Variants in CYFIP2 observed in about 807,000 individuals in gnomAD.
CYFIP2 encodes the protein cytoplasmic FMR1 interacting protein 2, also known as cytoplasmic FMR1-interacting protein 2.
Under a neutral mutation model 158.7 loss-of-function variants are expected in CYFIP2, and 29 were observed. The ratio of observed to expected loss-of-function variants is 0.18; its 90% confidence interval spans 0.14 to 0.25. The LOEUF (loss-of-function observed/expected upper bound fraction) is 0.25, where lower values mean the gene tolerates loss of function less well. Among genes scored for constraint, CYFIP2 ranks in the 10% least tolerant of loss-of-function variants. The pLI is 1.00. For missense variants in CYFIP2, 852 were observed against 1,639.5 expected (o/e 0.52, Z 8.29); for synonymous variants, 585 against 617.6 (o/e 0.95, Z 0.78).
In CYFIP2 at chr5:157,325,656, G is replaced by T; in HGVS notation, c.1982+18G>T. ...ATGATGGAGTAAGAGGCAGGATTGG[G>T]CCAGCAAGTGGCTCCTGGGGTACAA... On this transcript the variant is annotated intron_variant, in intron 17 of 30. Coordinates refer to ENST00000620254, the MANE Select transcript of CYFIP2 (RefSeq NM_001037333.3). The T allele has an allele frequency of 6.3e-7, 1 of 1,579,760 alleles. No individual in the cohort carries two copies.
intron 26 of CYFIP2, chr5:157,377,022 C>T: frequency 2.6e-6 from 1 of 384,458 alleles, no homozygotes; most frequent in South Asian, 1.9e-5. Context: ...TCCTTTTACT[C>T]CCGCCCTCAG....
At chr5:157,351,065 G>A (rs1763035893) in intron 23 of CYFIP2, among the ~76,000 whole-genome samples, 1 of 151,706 alleles carries the variant, frequency 6.6e-6, no homozygotes, top group Non-Finnish European at 1.5e-5. Context: ...TTACTGCTCT[G>A]GCTAGGACTT....
chr5:157,320,408 A>C (rs1484075013), intron 14 of CYFIP2, among the ~76,000 whole-genome samples: 1 of 152,230 alleles, frequency 6.6e-6, no homozygotes, highest in Non-Finnish European at 1.5e-5. Context: ...CTCAGAGCTG[A>C]GTTCTCAGAC....
chr5:157,304,264 C>A lies in CYFIP2; in HGVS notation c.693C>A (p.Ile231=), dbSNP rs1260363269. The change falls in exon 8 of 31, where the codon ATC becomes ATA. Residue 231 remains isoleucine, a synonymous_variant. Coordinates refer to ENST00000620254, the MANE Select transcript of CYFIP2 (RefSeq NM_001037333.3). ...TQCLHQQLEV[I]PGYEELLADI... ...GTCTCCACCAGCAACTTGAAGTGAT[C>A]CCAGGCTATGAGGAGCTGCTGGCTG... The A allele has an allele frequency of 1.2e-6, 2 of 1,613,290 alleles. No individual in the cohort carries two copies. Among genetic ancestry groups the A allele is most frequent in the Non-Finnish European group, 1.7e-6 (2 of 1,179,830 alleles).
chr5:157,297,206 A>G (rs760820876), intron 5 of CYFIP2, among the ~76,000 whole-genome samples: 2 of 152,208 alleles, frequency 1.3e-5, no homozygotes, highest in Non-Finnish European at 2.9e-5. Context: ...GTTGCCACAG[A>G]GGCAAAAGCC....
chr5:157,286,579 T>TATATATA (rs1554106982), intron 2 of CYFIP2, among the ~76,000 whole-genome samples: 1 of 148,228 alleles, frequency 6.7e-6, no homozygotes, highest in Non-Finnish European at 1.5e-5. Flanking sequence ...TATATATATA[T>TATATATA]TTAGCCTTTC....
intron 23 of CYFIP2, among the ~76,000 whole-genome samples, chr5:157,352,914 C>T (rs1224036261): frequency 6.6e-6 from 1 of 152,128 alleles, no homozygotes; most frequent in Non-Finnish European, 1.5e-5. Flanking sequence ...ATACGAAGAC[C>T]CAGCAGAGAG....
intron 1 of CYFIP2, among the ~76,000 whole-genome samples, chr5:157,279,683 C>T (rs779305133): frequency 2.0e-5 from 3 of 152,176 alleles, no homozygotes; most frequent in Non-Finnish European, 2.9e-5. Flanking sequence ...CATGAATGCC[C>T]GCCACTGAGA....
intron 7 of CYFIP2, among the ~76,000 whole-genome samples, chr5:157,303,971 G>T (rs1758999533): frequency 6.6e-6 from 1 of 152,056 alleles, no homozygotes; most frequent in African/African-American, 2.4e-5. Context: ...CTCAGGCCAG[G>T]ATAGCACTTT....
chr5:157,355,137 GTTC>G lies in CYFIP2; in HGVS notation c.2674-3865_2674-3863del, dbSNP rs538652094. 1.3e-3 allele frequency among the ~76,000 whole-genome samples: 192 copies of G among 149,660 alleles called. 1 individual carries two copies. The highest frequency in any genetic ancestry group is 4.5e-3 in the African/African-American group (181 of 40,158). The stretch of plus-strand genomic sequence containing the variant: ...ACTGAACATCTCCCATTTTTATGAT[GTTC>G]TTAATGTTGAATAAAATGCATTTTT... On this transcript the variant is annotated intron_variant, in intron 23 of 30. Coordinates refer to ENST00000620254, the MANE Select transcript of CYFIP2 (RefSeq NM_001037333.3).
In CYFIP2 at chr5:157,311,346, C is replaced by A; in HGVS notation, c.993-318C>A. On this transcript the variant is annotated intron_variant, in intron 10 of 30. Coordinates refer to ENST00000620254, the MANE Select transcript of CYFIP2 (RefSeq NM_001037333.3). This position sits in a 1 kb window ranked among gnomAD's most constrained non-coding sequence, Gnocchi z 4.7. ...GCTTTTTCTGTGCTCAGATTCCATC[C>A]CTTTGTAGTCCTAGAGAGGCTGTGT... 4.9e-6 allele frequency: 2 copies of A among 409,738 alleles called. No individual in the cohort carries two copies. Among genetic ancestry groups the A allele is most frequent in the South Asian group, 4.2e-5 (2 of 47,536 alleles). The allele number at this position is 409,738 out of a possible 1,614,324, so 25.4% of individuals were successfully genotyped here.
At position 157,326,160 on chromosome 5, in the gene CYFIP2, T is replaced by C. The variant is rs748260992; in HGVS notation, c.1983-11T>C. Reference sequence around the variant, plus strand: ...ATTAGCAAGCGGCTGGCTGTGTTTTTCCCTCTTCAGGTATGTCCTCTACCC... The same window carrying C: ...ATTAGCAAGCGGCTGGCTGTGTTTTCCCCTCTTCAGGTATGTCCTCTACCC... On this transcript the variant is annotated splice_polypyrimidine_tract_variant and intron_variant, in intron 17 of 30. Transcript: ENST00000620254. 4 of 1,607,552 alleles carry C rather than the reference T, an allele frequency of 2.5e-6. No homozygotes were observed. The highest frequency in any genetic ancestry group is 3.4e-6 in the Non-Finnish European group (4 of 1,174,366).
rs1767562752 is a variant in CYFIP2 at position 157,394,113 on chromosome 5, T to C, written c.*1113T>C. The C allele has an allele frequency of 6.6e-6, 1 of 152,166 alleles. No homozygotes were observed. Among genetic ancestry groups the C allele is most frequent in the South Asian group, 2.1e-4 (1 of 4,824 alleles). 9.4% of individuals were successfully genotyped at this position (152,166 alleles called of 1,614,324 possible). A position where few individuals can be genotyped will look rare whatever the true frequency, so the allele number is the denominator to read the frequency against. On this transcript the variant is annotated 3_prime_UTR_variant, in exon 31 of 31. Coordinates refer to ENST00000620254, the MANE Select transcript of CYFIP2 (RefSeq NM_001037333.3). ...GAAAGATTCTTGGAACATTTTAGCT[T>C]TTACTCTCAACTTGCTGTTCTCTTT...
intron 4 of CYFIP2, among the ~76,000 whole-genome samples, chr5:157,295,157 T>C (rs184837461): frequency 6.6e-6 from 1 of 152,314 alleles, no homozygotes; most frequent in Non-Finnish European, 1.5e-5. Flanking sequence ...AAGAAAGATG[T>C]TCCCACTGCC....
At chr5:157,368,196 G>A (rs652267) in intron 26 of CYFIP2, among the ~76,000 whole-genome samples, 42,911 of 152,154 alleles carry the variant, frequency 0.28, 6,312 homozygotes, top group Non-Finnish European at 0.33. Context: ...TGTGATGGGT[G>A]ACAGGGGCAC....
At position 157,309,788 on chromosome 5, in the gene CYFIP2, G is replaced by A; in HGVS notation, c.946G>A (p.Ala316Thr). The change falls in exon 10 of 31, where the codon GCC becomes ACC. Residue 316 changes from alanine to threonine, a missense_variant. Ala to Thr is a moderately conservative substitution (Grantham distance 58). Around this residue, in one of 8 missense-constraint regions of CYFIP2, gnomAD observed 133 missense variants for 197.1 expected, o/e 0.67. Transcript: ENST00000620254. Reference sequence around the variant, plus strand: ...TTTCGGCGACATGCAGATAGAGCTGGCCAGATACATTAAGACCAGTGCTCA... The same window carrying A: ...TTTCGGCGACATGCAGATAGAGCTGACCAGATACATTAAGACCAGTGCTCA... ...PLFGDMQIEL[A>T]RYIKTSAHYE... is the part of the protein sequence containing the mutation. The A allele has an allele frequency of 6.2e-7, 1 of 1,607,864 alleles. No individual in the cohort carries two copies. The highest frequency in any genetic ancestry group is 1.1e-5 in the South Asian group (1 of 89,470).
At chr5:157,392,769 G>A (rs1767438357) in intron 30 of CYFIP2, 64 bp from the exon 31 acceptor site, 1 of 1,572,208 alleles carries the variant, frequency 6.4e-7, no homozygotes. Flanking sequence ...GACTTCTCCT[G>A]TTACTCCCTC....
intron 28 of CYFIP2, chr5:157,384,984 T>A (rs1415519770): frequency 1.3e-5 from 2 of 155,950 alleles, no homozygotes; most frequent in Non-Finnish European, 2.8e-5. Context: ...GTGGTTGGGT[T>A]CTTTGACTCA....
At chr5:157,378,167 A>G (rs1248811689) in intron 26 of CYFIP2, among the ~76,000 whole-genome samples, 1 of 152,218 alleles carries the variant, frequency 6.6e-6, no homozygotes, top group Non-Finnish European at 1.5e-5. Flanking sequence ...TGGTCTAATT[A>G]TAGACTTGGA....
Sources: gnomAD v4.1 joint callset for allele counts (sites outside exome capture counted in the v4.1 genomes callset) on GRCh38, gnomAD v4.1.1 for gene constraint, gnomAD v4.1.1 regional missense constraint, Gnocchi (gnomAD v3.1) non-coding constraint, MANE v1.5 for transcripts, NCBI Gene and HGNC (gene_info 2026-07-23, HGNC 2026-07-21) for gene names.